Variants in CHMP3 observed in about 807,000 individuals in gnomAD.
The protein encoded by CHMP3 is 25.1 protein.
A neutral mutation model predicts 27.4 loss-of-function variants in CHMP3; 8 were observed. That is an observed-to-expected ratio of 0.29 (90% CI 0.17 to 0.53). CHMP3 has a LOEUF of 0.53. CHMP3 is among the 20% of genes least tolerant of loss of function. The pLI, the probability that CHMP3 is intolerant of heterozygous loss-of-function variation, is 0.96. For synonymous variants in CHMP3, 86 were observed against 85.5 expected (o/e 1.01, Z -0.03); for missense variants, 208 against 271.5 (o/e 0.77, Z 1.64).
intron 3 of CHMP3, among the ~76,000 whole-genome samples, chr2:86,523,891 T>C (rs1364292154): frequency 2.0e-5 from 3 of 152,114 alleles, no homozygotes; most frequent in African/African-American, 7.2e-5. Flanking sequence ...CTGAGAACTT[T>C]CTTGAAAATT....
rs1200477358 is a variant in CHMP3, at chr2:86,510,275, C to G, written c.408+83G>C. 4 of 1,052,490 alleles carry G rather than the reference C, an allele frequency of 3.8e-6. 1 individual carries two copies. In the Admixed American group the frequency reaches 7.5e-5, roughly 20 times the overall value. 65.2% of individuals were successfully genotyped at this position (1,052,490 alleles called of 1,614,324 possible). ...AGCAGGTGTAGTCTGTTCATCCCCA[C>G]CCACCCTCATCCCTAGCCCCCTGTT... On this transcript the variant is annotated intron_variant, in intron 4 of 5. Transcript: ENST00000263856.
chr2:86,550,891 C>T (rs1309145131), intron 1 of CHMP3, among the ~76,000 whole-genome samples: 2 of 152,158 alleles, frequency 1.3e-5, no homozygotes, highest in South Asian at 2.1e-4. Flanking sequence ...GGAGGATGTA[C>T]ATACGTTATA....
At chr2:86,532,315 T>A (rs1675956871) in intron 2 of CHMP3, among the ~76,000 whole-genome samples, 2 of 152,184 alleles carry the variant, frequency 1.3e-5, no homozygotes, top group Non-Finnish European at 2.9e-5. Flanking sequence ...GCTTAATGAA[T>A]TTATTAGTTC....
chr2:86,562,551 C>T (rs1020432479), intron 1 of CHMP3, among the ~76,000 whole-genome samples: 7 of 152,158 alleles, frequency 4.6e-5, no homozygotes, highest in African/African-American at 7.2e-5. Flanking sequence ...GGTGACACTA[C>T]TATTATTCTG....
At chr2:86,527,898 T>C (rs1220348311) in intron 3 of CHMP3, among the ~76,000 whole-genome samples, 2 of 150,546 alleles carry the variant, frequency 1.3e-5, no homozygotes, top group Admixed American at 6.6e-5. Flanking sequence ...GAGGCGCAGA[T>C]TGCATTTAGC....
In CHMP3 at chr2:86,523,124, C is replaced by A. The variant is rs551852163; in HGVS notation, c.286+6094G>T. Reference sequence around the variant, plus strand: ...ACAGCTGTAAAAATTGTCATCTTCACCTCCTTGCCCATCCTCTCCAGCTAT... The same window carrying A: ...ACAGCTGTAAAAATTGTCATCTTCAACTCCTTGCCCATCCTCTCCAGCTAT... On this transcript the variant is annotated intron_variant, in intron 3 of 5. Transcript: ENST00000263856. 1.2e-3 allele frequency among the ~76,000 whole-genome samples: 186 copies of A among 152,304 alleles called. 1 individual carries two copies. The highest frequency in any genetic ancestry group is 6.8e-3 in the Middle Eastern group (2 of 294).
At chr2:86,544,562 C>T (rs1676491263) in intron 1 of CHMP3, among the ~76,000 whole-genome samples, 1 of 152,068 alleles carries the variant, frequency 6.6e-6, no homozygotes, top group Non-Finnish European at 1.5e-5. Context: ...GAGCATGCTG[C>T]CTTCAAGCAT....
chr2:86,550,320 G>A (rs1218106326), intron 1 of CHMP3, among the ~76,000 whole-genome samples: 2 of 152,170 alleles, frequency 1.3e-5, no homozygotes, highest in South Asian at 4.1e-4. Context: ...AGGCTGCAGC[G>A]AGCCGAGACC....
At position 86,505,962 on chromosome 2, in the gene CHMP3, A is replaced by G; in HGVS notation, c.524-13T>C. 6.5e-7 allele frequency: 1 copy of G among 1,544,682 alleles called. No individual in the cohort carries two copies. ...TTGCCCAAGGCCCCTGAAAAGAAAG[A>G]GCAAAGATGAACACCACATTGGCTT... On this transcript the variant is annotated splice_polypyrimidine_tract_variant and intron_variant, in intron 5 of 5. Transcript: ENST00000263856.
intron 3 of CHMP3, among the ~76,000 whole-genome samples, chr2:86,523,814 T>C (rs1163612236): frequency 6.6e-6 from 1 of 152,058 alleles, no homozygotes; most frequent in Non-Finnish European, 1.5e-5. Flanking sequence ...AAAAGACAAC[T>C]GTCATTAACA....
chr2:86,563,405 T>C lies in CHMP3; in HGVS notation c.-57A>G. The C allele has an allele frequency of 1.3e-6, 2 of 1,592,300 alleles. No homozygotes were observed. The highest frequency in any genetic ancestry group is 1.7e-6 in the Non-Finnish European group (2 of 1,165,554). ...TTTCAGTTCCCCGCGCCCAGGCAGG[T>C]CACGGGCAGCCGCCTGGGCGGGGCC... On this transcript the variant is annotated 5_prime_UTR_variant, in exon 1 of 6. Coordinates refer to ENST00000263856, the MANE Select transcript of CHMP3 (RefSeq NM_016079.4).
intron 2 of CHMP3, among the ~76,000 whole-genome samples, chr2:86,534,291 C>G (rs575831085): frequency 2.7e-5 from 4 of 147,342 alleles, no homozygotes; most frequent in Admixed American, 2.1e-4. Context: ...CTCCACCTCC[C>G]AGGTTCAAGC....
At chr2:86,541,632 C>G (rs1389074592) in intron 2 of CHMP3, among the ~76,000 whole-genome samples, 4 of 152,156 alleles carry the variant, frequency 2.6e-5, no homozygotes, top group African/African-American at 4.8e-5. Flanking sequence ...TTGAAAACAG[C>G]TGTTTCACAG....
chr2:86,554,015 G>T (rs191285378), intron 1 of CHMP3, among the ~76,000 whole-genome samples: 1 of 152,074 alleles, frequency 6.6e-6, no homozygotes, highest in Non-Finnish European at 1.5e-5. Flanking sequence ...ATCAGGAGGC[G>T]GTGCCTTTTG....
At chr2:86,516,146 C>CAAAAAAAAAAAAA (rs35800757) in intron 3 of CHMP3, among the ~76,000 whole-genome samples, 1 of 83,686 alleles carries the variant, frequency 1.2e-5, no homozygotes, top group African/African-American at 6.5e-5. Flanking sequence ...GACTCCATCT[C>CAAAAAAAAAAAAA]AAAAAAAAAA....
intron 3 of CHMP3, among the ~76,000 whole-genome samples, chr2:86,518,360 A>G (rs1304019644): frequency 6.6e-6 from 1 of 152,226 alleles, no homozygotes; most frequent in Non-Finnish European, 1.5e-5. Flanking sequence ...ATTCTATAAT[A>G]TGGTGAACCA....
At chr2:86,519,561 A>G (rs548783508) in intron 3 of CHMP3, among the ~76,000 whole-genome samples, 30 of 152,326 alleles carry the variant, frequency 2.0e-4, no homozygotes, top group Middle Eastern at 3.4e-3. Context: ...TATGGTATTT[A>G]CAGAGTATAA....
rs1012432053 is a variant in CHMP3, at chr2:86,529,375, T to C, written c.129A>G (p.Lys43=). 5 of 1,600,856 alleles carry C rather than the reference T, an allele frequency of 3.1e-6. No individual in the cohort carries two copies. The African/African-American group carries it at 6.7e-5, about 22-fold the overall frequency. Residue 43 remains lysine, a synonymous_variant, in exon 3 of 6, where the codon AAA becomes AAG. Transcript: ENST00000263856. ...QIRDIQREEE[K]VKRSVKDAAK... is the part of the protein sequence containing the mutation. ...CAGCATCTTTCACAGATCGTTTCAC[T>C]TTTTCTTCTTCTCTTTGGATATCTA...
intron 3 of CHMP3, among the ~76,000 whole-genome samples, chr2:86,518,422 C>G (rs1252542004): frequency 6.6e-6 from 1 of 151,976 alleles, no homozygotes; most frequent in African/African-American, 2.4e-5. Flanking sequence ...ATTTCAGAAA[C>G]TTTAAAAATT....
Sources: allele counts gnomAD v4.1 joint callset (sites outside exome capture counted in the v4.1 genomes callset), GRCh38; gene constraint gnomAD v4.1.1; transcripts MANE v1.5; gene names NCBI Gene and HGNC (gene_info 2026-07-23, HGNC 2026-07-21).